Variants in SPATA13 observed in about 807,000 individuals in gnomAD.
SPATA13 encodes the protein spermatogenesis associated 13, also known as spermatogenesis-associated protein 13.
Under a neutral mutation model 104.0 loss-of-function variants are expected in SPATA13, and 50 were observed. That is an observed-to-expected ratio of 0.48 (90% CI 0.38 to 0.61). The LOEUF (loss-of-function observed/expected upper bound fraction) is 0.61. Among genes scored for constraint, SPATA13 ranks in the 20% least tolerant of loss-of-function variants. The pLI is 0.00. For synonymous variants in SPATA13, 606 were observed against 667.5 expected (o/e 0.91, Z 1.42); for missense variants, 1,524 against 1,690.6 (o/e 0.90, Z 1.73).
At chr13:24,024,686 A>ATAAT (rs1249361086) in intron 3 of SPATA13, among the ~76,000 whole-genome samples, 1 of 32,710 alleles carries the variant, frequency 3.1e-5, no homozygotes, top group East Asian at 5.1e-4. Flanking sequence ...TGATGACATA[A>ATAAT]AAATGTTATA....
At chr13:24,157,321 T>C (rs1882286154), upstream of SPATA13, among the ~76,000 whole-genome samples, 1 of 152,144 alleles carries the variant, frequency 6.6e-6, no homozygotes, top group Non-Finnish European at 1.5e-5. Flanking sequence ...TTTTTTGAGA[T>C]GGAGTCTCGC....
intron 3 of SPATA13, among the ~76,000 whole-genome samples, chr13:24,064,466 G>T (rs995400835): frequency 6.6e-6 from 1 of 152,092 alleles, no homozygotes; most frequent in East Asian, 1.9e-4. Context: ...GAGGCGCTTG[G>T]GAGGTCATTG....
intron 1 of SPATA13, among the ~76,000 whole-genome samples, chr13:23,980,312 G>T (rs1483672870): frequency 6.6e-6 from 1 of 152,208 alleles, no homozygotes; most frequent in Non-Finnish European, 1.5e-5. Flanking sequence ...AGCGGGGGAG[G>T]GGCCGAGCCG....
chr13:24,062,100 G>A lies in SPATA13; in HGVS notation c.-112+44399G>A, dbSNP rs188993120. Among the ~76,000 whole-genome samples, 801 of 152,298 alleles carry A rather than the reference G, an allele frequency of 5.3e-3. 2 individuals are homozygous for A. Among genetic ancestry groups the A allele is most frequent in the Non-Finnish European group, 8.5e-3 (575 of 68,018 alleles). On this transcript the variant is annotated intron_variant, in intron 3 of 14. Transcript: ENST00000424834. ...GGATGGAGACATGACCCACCCATGG[G>A]GGTATCTTGAGGAACACACTCAGTT...
intron 4 of SPATA13, among the ~76,000 whole-genome samples, chr13:24,282,878 G>A (rs916165632): frequency 2.0e-5 from 3 of 152,218 alleles, no homozygotes; most frequent in African/African-American, 7.2e-5. Context: ...AGAAGGGCAG[G>A]ACCAGAATTC....
At chr13:24,095,872 C>T (rs1345075965) in intron 3 of SPATA13, among the ~76,000 whole-genome samples, 2 of 152,198 alleles carry the variant, frequency 1.3e-5, no homozygotes, top group Non-Finnish European at 2.9e-5. Flanking sequence ...TGGTGCCATA[C>T]CAATAACAGT....
At position 24,112,950 on chromosome 13, in the gene SPATA13, C is replaced by T. The variant is rs774341785; in HGVS notation, c.-112+95249C>T. Among the ~76,000 whole-genome samples, 37 of 152,290 alleles carry T rather than the reference C, an allele frequency of 2.4e-4. 1 individual carries two copies. The highest frequency in any genetic ancestry group is 5.2e-4 in the Admixed American group (8 of 15,290). ...GAATTCTACTGATTTATAATTCATT[C>T]TAGCAGACTCAACAGGAGGGGCTAC... On this transcript the variant is annotated intron_variant, in intron 3 of 14. Transcript: ENST00000424834.
At chr13:24,021,082 C>T (rs1028646023) in intron 3 of SPATA13, among the ~76,000 whole-genome samples, 1 of 152,212 alleles carries the variant, frequency 6.6e-6, no homozygotes, top group African/African-American at 2.4e-5. Context: ...ATGTGCATGT[C>T]TGTGTGTGCA....
intron 3 of SPATA13, among the ~76,000 whole-genome samples, chr13:24,089,099 CA>C (rs1422345657): frequency 2.6e-5 from 4 of 152,220 alleles, no homozygotes; most frequent in Admixed American, 1.3e-4. Flanking sequence ...ACCAGTGTGT[CA>C]GGGGACACAA....
chr13:24,070,978 G>A (rs1879141230), intron 3 of SPATA13, among the ~76,000 whole-genome samples: 1 of 152,114 alleles, frequency 6.6e-6, no homozygotes, highest in Non-Finnish European at 1.5e-5. Context: ...TAGGCGTCAG[G>A]TCCTTCCCTT....
At chr13:24,111,851 G>A (rs993647642) in intron 3 of SPATA13, among the ~76,000 whole-genome samples, 1 of 152,038 alleles carries the variant, frequency 6.6e-6, no homozygotes, top group African/African-American at 2.4e-5. Context: ...TCACTATTTT[G>A]CCTCCGGGCT....
chr13:24,132,556 C>T (rs1881420561), intron 3 of SPATA13, among the ~76,000 whole-genome samples: 1 of 152,118 alleles, frequency 6.6e-6, no homozygotes, highest in South Asian at 2.1e-4. Context: ...TGTGTTGAAA[C>T]TAAAATTATT....
At chr13:23,984,617 G>C (rs1176153641) in intron 2 of SPATA13, among the ~76,000 whole-genome samples, 1 of 152,172 alleles carries the variant, frequency 6.6e-6, no homozygotes, top group African/African-American at 2.4e-5. Context: ...ATGAAATTCT[G>C]CAGTATCCCT....
At chr13:24,162,209 A>C in intron 1 of SPATA13, among the ~76,000 whole-genome samples, 1 of 150,872 alleles carries the variant, frequency 6.6e-6, no homozygotes, top group African/African-American at 2.4e-5. Flanking sequence ...CAGTTCTCCC[A>C]TCTCCTTCCT....
At chr13:24,247,072 G>A (rs1383476900) in intron 2 of SPATA13, among the ~76,000 whole-genome samples, 1 of 152,200 alleles carries the variant, frequency 6.6e-6, no homozygotes, top group Non-Finnish European at 1.5e-5. Flanking sequence ...GAGGGGATTT[G>A]TGACAGTTCA....
At chr13:24,262,497 C>T (rs891783241) in intron 4 of SPATA13, among the ~76,000 whole-genome samples, 1 of 152,154 alleles carries the variant, frequency 6.6e-6, no homozygotes, top group East Asian at 1.9e-4. Flanking sequence ...GGAGGTTACT[C>T]ATACAGTTAT....
chr13:24,063,839 A>G (rs1878859501), intron 3 of SPATA13, among the ~76,000 whole-genome samples: 1 of 151,940 alleles, frequency 6.6e-6, no homozygotes, highest in South Asian at 2.1e-4. Flanking sequence ...TTCCTGCCTC[A>G]CTCACAGGGA....
At chr13:24,082,853 A>AAAC (rs1566096840) in intron 3 of SPATA13, among the ~76,000 whole-genome samples, 5 of 137,370 alleles carry the variant, frequency 3.6e-5, no homozygotes, top group East Asian at 2.0e-4. Context: ...AAAAAAAAAA[A>AAAC]ATAAGATCTT....
chr13:24,131,218 T>C (rs1881381034), intron 3 of SPATA13, among the ~76,000 whole-genome samples: 1 of 152,238 alleles, frequency 6.6e-6, no homozygotes, highest in Non-Finnish European at 1.5e-5. Context: ...TTTAAGTTCT[T>C]GTGCATTTGT....
Sources: gnomAD v4.1 joint callset for allele counts (sites outside exome capture counted in the v4.1 genomes callset) on GRCh38, gnomAD v4.1.1 for gene constraint, MANE v1.5 for transcripts, NCBI Gene and HGNC (gene_info 2026-07-23, HGNC 2026-07-21) for gene names.